The following ASXL2 variants were observed in gnomAD, a reference collection of about 807,000 sequenced individuals.
The protein encoded by ASXL2 is ASXL transcriptional regulator 2, also known as putative Polycomb group protein ASXL2.
Under a neutral mutation model 122.0 loss-of-function variants are expected in ASXL2, and 23 were observed. The ratio of observed to expected loss-of-function variants is 0.19; its 90% CI spans 0.14 to 0.27. The LOEUF (loss-of-function observed/expected upper bound fraction) is 0.27, where lower values mean the gene tolerates loss of function less well. ASXL2 is among the 10% of genes least tolerant of loss of function. The pLI is 1.00. For missense variants in ASXL2, 1,518 were observed against 1,713.8 expected, an observed-to-expected ratio of 0.89 and a Z score of 2.02; for synonymous variants, 650 against 637.0, an observed-to-expected ratio of 1.02 and a Z score of -0.31.
chr2:25,750,538 A>C (rs2088027538), intron 11 of ASXL2, 125 bp from the exon 12 acceptor site: 1 of 830,086 alleles, frequency 1.2e-6, no homozygotes. Flanking sequence ...GTATTCATGT[A>C]TTATCTTCAC....
Position 25,878,212 on chromosome 2 carries a change from T to G in ASXL2, c.11A>C (p.Lys4Thr). Residue 4 changes from lysine (K) to threonine (T), a missense_variant, in exon 1 of 13, where the codon AAG becomes ACG. By Grantham distance (78) the Lys-to-Thr change is moderately conservative. This residue lies in a region of ASXL2 where 28 missense variants were observed against 42.2 expected (regional missense o/e 0.66). Coordinates refer to ENST00000435504, the MANE Select transcript of ASXL2 (RefSeq NM_018263.6). MRE[K>T]GRRKKGRTWA... Reference sequence around the variant, plus strand: ...GGTCCTGCCCTTCTTCCTACGTCCCTTTTCCCTCATGTCGGGTCTTGAACT... The same window carrying G: ...GGTCCTGCCCTTCTTCCTACGTCCCGTTTCCCTCATGTCGGGTCTTGAACT... 6.2e-7 allele frequency: 1 copy of G among 1,613,554 alleles called. No individual in the cohort carries two copies. Among genetic ancestry groups the G allele is most frequent in the Non-Finnish European group, 8.5e-7 (1 of 1,179,696 alleles).
chr2:25,820,978 C>T (rs1289083229), intron 3 of ASXL2, among the ~76,000 whole-genome samples: 1 of 151,954 alleles, frequency 6.6e-6, no homozygotes, highest in Non-Finnish European at 1.5e-5. Flanking sequence ...ACCAGCCTGA[C>T]CAACATGGAG....
intron 3 of ASXL2, among the ~76,000 whole-genome samples, chr2:25,829,844 G>T (rs2089430034): frequency 6.6e-6 from 1 of 152,196 alleles, no homozygotes; most frequent in African/African-American, 2.4e-5. Flanking sequence ...AAGCCTCTTT[G>T]TCCTTGTGGG....
intron 9 of ASXL2, among the ~76,000 whole-genome samples, chr2:25,757,113 C>G (rs1015368539): frequency 3.9e-5 from 6 of 152,212 alleles, no homozygotes; most frequent in Non-Finnish European, 8.8e-5. Context: ...TGATCCAAAC[C>G]TATGTTTTTC....
Position 25,743,416 on chromosome 2 carries a change from T to G in ASXL2, c.2921A>C (p.Lys974Thr), listed in dbSNP as rs2087874565. Residue 974 changes from lysine to threonine, a missense_variant, in exon 13 of 13, where the codon AAA (lysine) becomes ACA (threonine). Lys to Thr is a moderately conservative substitution (Grantham distance 78). Transcript: ENST00000435504. Reference protein sequence around the residue: ...MEQILPKPLTKVEMKTVPLTA... With the variant: ...MEQILPKPLTTVEMKTVPLTA... ...CAGTGGAACCGTTTTCATTTCAACTTTGGTGAGAGGTTTAGGCAGAATTTG... is the reference window on the plus strand; with the variant it reads ...CAGTGGAACCGTTTTCATTTCAACTGTGGTGAGAGGTTTAGGCAGAATTTG... The G allele has an allele frequency of 9.3e-6, 15 of 1,613,778 alleles. No individual in the cohort carries two copies. The highest frequency in any genetic ancestry group is 1.3e-5 in the African/African-American group (1 of 74,906).
chr2:25,772,161 C>T (rs544371374), intron 5 of ASXL2, among the ~76,000 whole-genome samples: 63 of 152,166 alleles, frequency 4.1e-4, no homozygotes, highest in African/African-American at 1.4e-3. Context: ...GGGTCTTATG[C>T]GAACAAGGGT....
Position 25,799,999 on chromosome 2 carries a change from A to G in ASXL2, c.253-464T>C, listed in dbSNP as rs571762627. Among the ~76,000 whole-genome samples, 13 of 151,510 alleles carry G rather than the reference A, an allele frequency of 8.6e-5. No individual in the cohort carries two copies. In the South Asian group the frequency reaches 2.7e-3, roughly 32 times the overall value. On this transcript the variant is annotated intron_variant, in intron 4 of 12. Coordinates refer to ENST00000435504, the MANE Select transcript of ASXL2 (RefSeq NM_018263.6). ...TCTCTACAAAAAAAAAATGCAAAAA[A>G]AAAAAAAAAATTAGCTGGGCATGGT... is the stretch of plus-strand genomic sequence containing the variant.
At chr2:25,821,475 T>C (rs2089309939) in intron 3 of ASXL2, among the ~76,000 whole-genome samples, 1 of 151,250 alleles carries the variant, frequency 6.6e-6, no homozygotes, top group African/African-American at 2.4e-5. Flanking sequence ...TTTAAAAAAA[T>C]ATGCGGGGCT....
intron 5 of ASXL2, among the ~76,000 whole-genome samples, chr2:25,786,712 G>C (rs2088754071): frequency 1.3e-5 from 2 of 151,958 alleles, no homozygotes; most frequent in South Asian, 4.2e-4. Flanking sequence ...AAATGAGCTG[G>C]GTGTGGTGGC....
Position 25,742,510 on chromosome 2 carries a change from G to A in ASXL2, c.3827C>T (p.Ala1276Val). Residue 1276 changes from alanine to valine, a missense_variant, in exon 13 of 13, where the codon GCA (alanine) becomes GTA (valine). Ala to Val is a moderately conservative substitution (Grantham distance 64). Around this residue, in one of 8 missense-constraint regions of ASXL2, gnomAD observed 831 missense variants for 833.1 expected, o/e 1.00. Transcript: ENST00000435504. ...GCTACGGATTGCCTTACCTCTCACT[G>A]CATGAGCCATCTGCTTCTGTGCTGC... ...IQAAQKQMAHAVRGKAIRSSP... is the reference protein window; with the variant it reads ...IQAAQKQMAHVVRGKAIRSSP... The A allele has an allele frequency of 6.2e-7, 1 of 1,613,932 alleles. No individual in the cohort carries two copies. Among genetic ancestry groups the A allele is most frequent in the South Asian group, 1.1e-5 (1 of 91,050 alleles).
At chr2:25,792,983 C>A (rs1282762400) in intron 5 of ASXL2, among the ~76,000 whole-genome samples, 1 of 151,630 alleles carries the variant, frequency 6.6e-6, no homozygotes, top group African/African-American at 2.4e-5. Flanking sequence ...CCGGGCGTGG[C>A]GGCTCACACC....
intron 3 of ASXL2, among the ~76,000 whole-genome samples, chr2:25,808,980 A>C (rs1032417687): frequency 6.6e-6 from 1 of 152,242 alleles, no homozygotes; most frequent in Non-Finnish European, 1.5e-5. Context: ...CACAAACCCA[A>C]AGAAGCAAAG....
intron 11 of ASXL2, among the ~76,000 whole-genome samples, chr2:25,752,736 A>G (rs2088066673): frequency 6.6e-6 from 1 of 151,808 alleles, no homozygotes. Context: ...AATCCCAGCT[A>G]CTCAGGAGGC....
intron 2 of ASXL2, among the ~76,000 whole-genome samples, chr2:25,844,299 G>T (rs575676863): frequency 6.6e-6 from 1 of 151,952 alleles, no homozygotes; most frequent in African/African-American, 2.4e-5. Flanking sequence ...ACTGACTATT[G>T]GCCAGGCATG....
intron 9 of ASXL2, among the ~76,000 whole-genome samples, chr2:25,758,679 T>C (rs2088183508): frequency 7.2e-6 from 1 of 138,496 alleles, no homozygotes; most frequent in Non-Finnish European, 1.6e-5. Context: ...TTGCTACTTT[T>C]GTTTTTTTTT....
intron 2 of ASXL2, among the ~76,000 whole-genome samples, chr2:25,841,946 C>CAA (rs1201875464): frequency 1.8e-5 from 1 of 56,250 alleles, no homozygotes; most frequent in African/African-American, 7.1e-5. Context: ...GACTCTGTCT[C>CAA]AAAAAAAAAA....
Position 25,742,183 on chromosome 2 carries a change from T to C in ASXL2, c.4154A>G (p.Gln1385Arg). Reference protein sequence around the residue: ...PSSHGQTIPVQAFSEENSIEG... With the variant: ...PSSHGQTIPVRAFSEENSIEG... ...TATGCTGTTCTCTTCGGAGAACGCC[T>C]GAACAGGAATGGTCTGGCCATGGCT... is the stretch of plus-strand genomic sequence containing the variant. The change falls in exon 13 of 13, where the codon CAG (glutamine) becomes CGG (arginine). Residue 1385 changes from glutamine (Q) to arginine (R), a missense_variant. This residue lies in a region of ASXL2 where 831 missense variants were observed against 833.1 expected (regional missense o/e 1.00). Coordinates refer to ENST00000435504, the MANE Select transcript of ASXL2 (RefSeq NM_018263.6). 1 of 1,614,038 alleles carries C rather than the reference T, an allele frequency of 6.2e-7. No homozygotes were observed. The highest frequency in any genetic ancestry group is 8.5e-7 in the Non-Finnish European group (1 of 1,179,902).
At chr2:25,757,026 C>T (rs2088146373) in intron 9 of ASXL2, among the ~76,000 whole-genome samples, 1 of 152,116 alleles carries the variant, frequency 6.6e-6, no homozygotes, top group Non-Finnish European at 1.5e-5. Context: ...CTTTTTTAAC[C>T]CCAAATCTGC....
intron 5 of ASXL2, among the ~76,000 whole-genome samples, chr2:25,792,862 T>G (rs556394375): frequency 6.6e-6 from 1 of 152,166 alleles, no homozygotes; most frequent in East Asian, 1.9e-4. Flanking sequence ...CTCCTCGGCT[T>G]CCCAAAGTAC....
Sources: allele counts gnomAD v4.1 joint callset (sites outside exome capture counted in the v4.1 genomes callset), GRCh38; gene constraint gnomAD v4.1.1; regional missense constraint gnomAD v4.1.1; transcripts MANE v1.5; gene names NCBI Gene and HGNC (gene_info 2026-07-23, HGNC 2026-07-21).